The following CHL1 variants were observed in gnomAD, a reference collection of about 807,000 sequenced individuals.
CHL1 encodes cell adhesion molecule L1 like, also known as neural cell adhesion molecule L1-like protein.
CHL1 carries 96 observed loss-of-function variants against 141.9 expected under a neutral mutation model. The observed-to-expected ratio is 0.68, with a 90% CI of 0.57 to 0.80. The LOEUF (loss-of-function observed/expected upper bound fraction) is 0.80. Ranked by LOEUF, CHL1 falls within the 30% of genes least tolerant of loss-of-function variation. The probability of loss-of-function intolerance (pLI) is 0.00; values close to 1 mark genes in which losing one functional copy is unlikely to be tolerated. For synonymous variants in CHL1, 613 were observed against 502.2 expected (o/e 1.22, Z -2.95); for missense variants, 1,820 against 1,457.2 (o/e 1.25, Z -4.05).
In CHL1 at chr3:405,987, A is replaced by T; in HGVS notation, c.*276A>T. 2.8e-6 allele frequency: 1 copy of T among 355,694 alleles called. No individual in the cohort carries two copies. The highest frequency in any genetic ancestry group is 5.3e-6 in the Non-Finnish European group (1 of 189,230). The allele number at this position is 355,694 out of a possible 1,614,324, so 22.0% of individuals were successfully genotyped here. The stretch of plus-strand genomic sequence containing the variant: ...TTTAGATACACCTCAACTAAATCCA[A>T]AGTCCCCATTCAGTATATTCCATAT... On this transcript the variant is annotated 3_prime_UTR_variant, in exon 28 of 28. Coordinates refer to ENST00000256509, the MANE Select transcript of CHL1 (RefSeq NM_006614.4).
intron 14 of CHL1, chr3:364,129 CTCTT>C (rs1386798914): frequency 6.6e-6 from 1 of 152,000 alleles, no homozygotes; most frequent in African/African-American, 2.4e-5. Flanking sequence ...ATTTCTTTCT[CTCTT>C]CCCATATATA....
intron 19 of CHL1, among the ~76,000 whole-genome samples, chr3:387,073 C>T (rs1707794464): frequency 6.6e-6 from 1 of 152,280 alleles, no homozygotes; most frequent in African/African-American, 2.4e-5. Flanking sequence ...GGAATCAAGG[C>T]AGGACGGCAG....
intron 2 of CHL1, among the ~76,000 whole-genome samples, chr3:288,548 G>A (rs1261809430): frequency 6.6e-6 from 1 of 152,156 alleles, no homozygotes; most frequent in Non-Finnish European, 1.5e-5. Flanking sequence ...CATTGCCACA[G>A]ATCCTATCAT....
intron 1 of CHL1, among the ~76,000 whole-genome samples, chr3:202,668 T>C (rs1699065888): frequency 6.6e-6 from 1 of 152,212 alleles, no homozygotes; most frequent in Admixed American, 6.5e-5. Flanking sequence ...CAAGATTGTG[T>C]TGGGCTAAGG....
At chr3:372,657 A>G (rs1705784994) in intron 15 of CHL1, among the ~76,000 whole-genome samples, 4 of 151,746 alleles carry the variant, frequency 2.6e-5, no homozygotes, top group African/African-American at 9.7e-5. Context: ...CTTGGTGGAG[A>G]GACATTGTGA....
chr3:351,569 CT>C (rs1396369088), intron 10 of CHL1, among the ~76,000 whole-genome samples: 1 of 151,912 alleles, frequency 6.6e-6, no homozygotes, highest in African/African-American at 2.4e-5. Context: ...TTTTTTGTCT[CT>C]TTTTTAGAAG....
At chr3:256,315 T>G (rs1694165117) in intron 2 of CHL1, among the ~76,000 whole-genome samples, 1 of 152,214 alleles carries the variant, frequency 6.6e-6, no homozygotes. Flanking sequence ...ACTTATAGCA[T>G]GGTAAAGCAG....
chr3:351,236 G>C (rs1176118390), intron 10 of CHL1, among the ~76,000 whole-genome samples: 1 of 152,168 alleles, frequency 6.6e-6, no homozygotes, highest in Non-Finnish European at 1.5e-5. Flanking sequence ...GTTGACTATA[G>C]GACTCCAAAG....
At position 354,659 on chromosome 3, in the gene CHL1, G is replaced by C. The variant is rs1703557914; in HGVS notation, c.1053G>C (p.Lys351Asn). The C allele has an allele frequency of 1.9e-6, 3 of 1,613,088 alleles. No homozygotes were observed. The highest frequency in any genetic ancestry group is 2.5e-6 in the Non-Finnish European group (3 of 1,179,508). The part of the protein sequence containing the change: ...VIVEEPPRWT[K>N]KPQSAVYSTG... ...ATCCAGAGCCTCCTCGCTGGACAAA[G>C]AAGCCTCAGAGTGCTGTGTATAGCA... The change falls in exon 11 of 28, where the codon AAG (lysine) becomes AAC (asparagine). Residue 351 changes from lysine to asparagine, a missense_variant. By Grantham distance (94) the Lys-to-Asn change is moderately conservative. Transcript: ENST00000256509.
chr3:287,570 A>C (rs1394088474), intron 2 of CHL1, among the ~76,000 whole-genome samples: 2 of 152,236 alleles, frequency 1.3e-5, no homozygotes, highest in Admixed American at 6.5e-5. Flanking sequence ...TCAGATAATA[A>C]ATGCCAGTCT....
chr3:227,338 C>G lies in CHL1; in HGVS notation c.-174-17275C>G, dbSNP rs545485644. Among the ~76,000 whole-genome samples the G allele has an allele frequency of 7.4e-4, 113 of 152,242 alleles. 1 individual carries two copies. The highest frequency in any genetic ancestry group is 2.6e-3 in the African/African-American group (107 of 41,550). The stretch of plus-strand genomic sequence containing the variant: ...AGTTGGGGTCTAGAATACAAATACA[C>G]CTGTGTGCAAGCTCCAGTGATGCCA... On this transcript the variant is annotated intron_variant, in intron 1 of 27. Transcript: ENST00000256509.
rs1701144690 is a variant in CHL1 at position 328,062 on chromosome 3, T to TA, written c.198-104dup. The TA allele has an allele frequency of 7.5e-6, 6 of 800,958 alleles. No individual in the cohort carries two copies. The South Asian group carries it at 1.3e-4, about 18-fold the overall frequency. 49.6% of individuals were successfully genotyped at this position (800,958 alleles called of 1,614,324 possible). On this transcript the variant is annotated intron_variant, in intron 4 of 27. Transcript: ENST00000256509. ...TATATTCCATTAAGTATATACTTTTTATCATAAAATGTCTTGGTTTTGTCA... is the reference window on the plus strand; with the variant it reads ...TATATTCCATTAAGTATATACTTTTTAATCATAAAATGTCTTGGTTTTGTCA...
intron 1 of CHL1, among the ~76,000 whole-genome samples, chr3:242,164 T>G (rs1692639349): frequency 6.6e-6 from 1 of 152,072 alleles, no homozygotes; most frequent in Non-Finnish European, 1.5e-5. Flanking sequence ...TGAAAAACCA[T>G]AAGTACATGT....
intron 1 of CHL1, among the ~76,000 whole-genome samples, chr3:222,741 T>A (rs559333822): frequency 8.0e-5 from 12 of 149,414 alleles, no homozygotes; most frequent in Non-Finnish European, 1.5e-4. Context: ...GGAAAAACAA[T>A]TTTTTTTTTG....
At chr3:255,905 C>A (rs1422909434) in intron 2 of CHL1, among the ~76,000 whole-genome samples, 4 of 152,136 alleles carry the variant, frequency 2.6e-5, no homozygotes, top group Non-Finnish European at 5.9e-5. Flanking sequence ...GGTTGTGAAC[C>A]ATCGGTTTTT....
At chr3:357,551 G>A (rs80339156) in intron 11 of CHL1, among the ~76,000 whole-genome samples, 2 of 152,124 alleles carry the variant, frequency 1.3e-5, no homozygotes, top group African/African-American at 4.8e-5. Context: ...AACCCAGGAA[G>A]GATTAACTCC....
In CHL1 at chr3:360,391, A is replaced by G. The variant is rs767803510; in HGVS notation, c.1273A>G (p.Thr425Ala). Reference sequence around the variant, plus strand: ...GTGTGAAGCCTCAAATGTCCATGGAACTATCCTTGCCAATGCCAATATTGA... The same window carrying G: ...GTGTGAAGCCTCAAATGTCCATGGAGCTATCCTTGCCAATGCCAATATTGA... ...YQCEASNVHGTILANANIDVV... is the reference protein window; with the variant it reads ...YQCEASNVHGAILANANIDVV... The change falls in exon 12 of 28, where the codon ACT (threonine) becomes GCT (alanine). Residue 425 changes from threonine to alanine, a missense_variant. Transcript: ENST00000256509. 3 of 1,613,820 alleles carry G rather than the reference A, an allele frequency of 1.9e-6. No homozygotes were observed. Among genetic ancestry groups the G allele is most frequent in the East Asian group, 2.2e-5 (1 of 44,868 alleles).
intron 1 of CHL1, among the ~76,000 whole-genome samples, chr3:202,583 T>A (rs772911495): frequency 3.3e-5 from 5 of 152,236 alleles, no homozygotes; most frequent in Non-Finnish European, 7.3e-5. Context: ...TGAAAACTTC[T>A]AGTGCGATTC....
chr3:265,442 A>C (rs1049476880), intron 2 of CHL1, among the ~76,000 whole-genome samples: 1 of 152,342 alleles, frequency 6.6e-6, no homozygotes, highest in East Asian at 1.9e-4. Context: ...CTGTAACTCA[A>C]ATAATTGTGC....
Sources: gnomAD v4.1 joint callset for allele counts (sites outside exome capture counted in the v4.1 genomes callset) on GRCh38, gnomAD v4.1.1 for gene constraint, MANE v1.5 for transcripts, NCBI Gene and HGNC (gene_info 2026-07-23, HGNC 2026-07-21) for gene names.